COL14A1: variants seen among roughly 807,000 people sequenced by gnomAD.
The protein encoded by COL14A1 is collagen alpha-1(XIV) chain.
Under a neutral mutation model 230.3 loss-of-function variants are expected in COL14A1, and 136 were observed. The observed-to-expected ratio is 0.59, with a 90% CI of 0.51 to 0.68. The LOEUF (loss-of-function observed/expected upper bound fraction) is 0.68. Among genes scored for constraint, COL14A1 ranks in the 30% least tolerant of loss-of-function variants. The pLI is 0.00. For missense variants in COL14A1, 1,976 were observed against 2,215.8 expected, an observed-to-expected ratio of 0.89 and a Z score of 2.17; for synonymous variants, 792 against 784.1, an observed-to-expected ratio of 1.01 and a Z score of -0.17.
intron 26 of COL14A1, among the ~76,000 whole-genome samples, chr8:120,273,507 G>T (rs558249115): frequency 2.6e-4 from 39 of 151,786 alleles, no homozygotes; most frequent in African/African-American, 8.7e-4. Flanking sequence ...CAAAAAATTG[G>T]TTCTTTGAAA....
chr8:120,171,042 A>T (rs151171088), intron 5 of COL14A1, among the ~76,000 whole-genome samples: 28 of 152,136 alleles, frequency 1.8e-4, no homozygotes, highest in African/African-American at 5.8e-4. Flanking sequence ...CTATTACCCT[A>T]CATTTTTCTT....
chr8:120,180,445 T>G (rs538152281), intron 5 of COL14A1, among the ~76,000 whole-genome samples: 1 of 152,332 alleles, frequency 6.6e-6, no homozygotes, highest in Non-Finnish European at 1.5e-5. Flanking sequence ...ATCCTTGGCT[T>G]CAGTAGAAAC....
rs76043860 is a variant in COL14A1 at position 120,317,613 on chromosome 8, T to C, written c.4659+1616T>C. On this transcript the variant is annotated intron_variant, in intron 40 of 47. Transcript: ENST00000297848. ...ATTCCTGAAGTTCTGAAAATGGCAA[T>C]TCTAAAGATTTAGTTCGGTGAGTTT... is the stretch of plus-strand genomic sequence containing the variant. 5.9e-3 allele frequency among the ~76,000 whole-genome samples: 901 copies of C among 152,334 alleles called. 12 individuals carry two copies. The highest frequency in any genetic ancestry group is 0.02 in the African/African-American group (825 of 41,590).
rs560225636 is a variant in COL14A1 at position 120,178,588 on chromosome 8, A to G, written c.436+10341A>G. Among the ~76,000 whole-genome samples the G allele has an allele frequency of 4.6e-5, 7 of 152,298 alleles. No homozygotes were observed. The East Asian group carries it at 1.4e-3, about 29-fold the overall frequency. On this transcript the variant is annotated intron_variant, in intron 5 of 47. Coordinates refer to ENST00000297848, the MANE Select transcript of COL14A1 (RefSeq NM_021110.4). ...ATGATTTATAATGCTTTGGGTATAT[A>G]CCCAGTAGTAGGATTGCTGGGTCAA...
At chr8:120,199,697 T>C in intron 8 of COL14A1, 131 bp downstream of exon 8, 1 of 856,518 alleles carries the variant, frequency 1.2e-6, no homozygotes. Flanking sequence ...GCACTTGTCA[T>C]AGGCAGCCCT....
chr8:120,326,595 G>A (rs182001662), intron 40 of COL14A1, among the ~76,000 whole-genome samples: 9 of 152,270 alleles, frequency 5.9e-5, no homozygotes, highest in Admixed American at 1.3e-4. Flanking sequence ...CTAGGGTTAT[G>A]AAGAAATTTT....
chr8:120,319,980 C>T (rs530193600), intron 40 of COL14A1, among the ~76,000 whole-genome samples: 1 of 152,296 alleles, frequency 6.6e-6, no homozygotes, highest in Admixed American at 6.5e-5. Flanking sequence ...TCTCCTTCCT[C>T]TTCTTTTCTT....
chr8:120,234,028 T>G (rs1369155847), intron 19 of COL14A1, among the ~76,000 whole-genome samples: 1 of 152,250 alleles, frequency 6.6e-6, no homozygotes, highest in Non-Finnish European at 1.5e-5. Flanking sequence ...GAAGAGGTCC[T>G]TCACATCCTT....
chr8:120,294,689 T>G (rs1165441149), intron 34 of COL14A1, among the ~76,000 whole-genome samples: 1 of 151,722 alleles, frequency 6.6e-6, no homozygotes, highest in Non-Finnish European at 1.5e-5. Context: ...TTTTTCTCTT[T>G]TAATCAATCC....
intron 35 of COL14A1, among the ~76,000 whole-genome samples, chr8:120,298,597 T>TTATATA (rs59846403): frequency 0.08 from 4,599 of 57,134 alleles, 372 homozygotes; most frequent in African/African-American, 0.086. Context: ...CCCATATATT[T>TTATATA]TATATATATA....
chr8:120,268,898 A>G (rs1446443257), intron 25 of COL14A1, among the ~76,000 whole-genome samples: 1 of 151,730 alleles, frequency 6.6e-6, no homozygotes, highest in Non-Finnish European at 1.5e-5. Context: ...CCTGTTTATA[A>G]ACTCATAATT....
rs111460224 is a variant in COL14A1 at position 120,154,293 on chromosome 8, C to T, written c.89-3837C>T. ...ATGAGTAGATTATGAAACAGAATTTCGTAAATGCTTGATAATAGTGAGGCT... is the reference window on the plus strand; with the variant it reads ...ATGAGTAGATTATGAAACAGAATTTTGTAAATGCTTGATAATAGTGAGGCT... On this transcript the variant is annotated intron_variant, in intron 2 of 47. Coordinates refer to ENST00000297848, the MANE Select transcript of COL14A1 (RefSeq NM_021110.4). Among the ~76,000 whole-genome samples the T allele has an allele frequency of 6.8e-3, 1,029 of 152,230 alleles. 10 individuals carry two copies. The highest frequency in any genetic ancestry group is 0.018 in the African/African-American group (758 of 41,550).
intron 20 of COL14A1, 53 bp from the exon 21 acceptor site, chr8:120,247,560 A>G (rs1818802987): frequency 1.3e-6 from 2 of 1,568,796 alleles, no homozygotes; most frequent in Non-Finnish European, 1.7e-6. Flanking sequence ...AGTGTAGGAC[A>G]TAAAGAAGGA....
chr8:120,175,902 A>C (rs1000502837), intron 5 of COL14A1, among the ~76,000 whole-genome samples: 1 of 152,220 alleles, frequency 6.6e-6, no homozygotes, highest in African/African-American at 2.4e-5. Flanking sequence ...ATAAAAAAAT[A>C]CATATATACA....
intron 31 of COL14A1, 35 bp downstream of exon 31, chr8:120,281,094 A>G (rs1820024110): frequency 6.4e-7 from 1 of 1,571,072 alleles, no homozygotes; most frequent in Non-Finnish European, 8.6e-7. Context: ...AAGTCATCGT[A>G]TGTTTATTAT....
chr8:120,354,736 A>G (rs1332536576), intron 45 of COL14A1, among the ~76,000 whole-genome samples: 1 of 152,218 alleles, frequency 6.6e-6, no homozygotes, highest in Admixed American at 6.5e-5. Context: ...TAAGGGATCC[A>G]GTGGCTAATG....
chr8:120,128,238 TG>T (rs1814416268), intron 1 of COL14A1, among the ~76,000 whole-genome samples: 2 of 148,604 alleles, frequency 1.3e-5, no homozygotes, highest in African/African-American at 5.2e-5. Flanking sequence ...CGTGTGTGTG[TG>T]TGTGTGTGTG....
At chr8:120,137,043 A>T (rs1389039081) in intron 1 of COL14A1, among the ~76,000 whole-genome samples, 1 of 149,070 alleles carries the variant, frequency 6.7e-6, no homozygotes, top group East Asian at 2.0e-4. Context: ...GATTGGTATT[A>T]TATTTTCCTT....
chr8:120,231,266 T>C (rs921100011), intron 18 of COL14A1, among the ~76,000 whole-genome samples: 31 of 152,184 alleles, frequency 2.0e-4, no homozygotes, highest in Non-Finnish European at 3.1e-4. Flanking sequence ...TAAGCATCTC[T>C]TAATTCCACT....
Sources: allele counts gnomAD v4.1 joint callset (sites outside exome capture counted in the v4.1 genomes callset), GRCh38; gene constraint gnomAD v4.1.1; transcripts MANE v1.5; gene names NCBI Gene and HGNC (gene_info 2026-07-23, HGNC 2026-07-21).